DNAAF9: variants seen among roughly 807,000 people sequenced by gnomAD.
The protein encoded by DNAAF9 is dynein axonemal assembly factor 9.
In DNAAF9, 90 loss-of-function variants were observed where a neutral mutation model predicts 167.0. The ratio of observed to expected loss-of-function variants is 0.54; its 90% CI spans 0.45 to 0.64. The LOEUF is 0.64. Among genes scored for constraint, DNAAF9 ranks in the 30% least tolerant of loss-of-function variants. The pLI is 0.00. For synonymous variants in DNAAF9, 491 were observed against 508.8 expected (o/e 0.96, Z 0.47); for missense variants, 1,315 against 1,442.2 (o/e 0.91, Z 1.43).
At chr20:3,274,755 G>C (rs2068650236) in intron 29 of DNAAF9, among the ~76,000 whole-genome samples, 1 of 152,200 alleles carries the variant, frequency 6.6e-6, no homozygotes. Flanking sequence ...TTGAGCATCA[G>C]CCTGAGAATT....
chr20:3,349,257 C>T (rs1320890609), intron 7 of DNAAF9, among the ~76,000 whole-genome samples: 1 of 149,436 alleles, frequency 6.7e-6, no homozygotes, highest in Non-Finnish European at 1.5e-5. Flanking sequence ...TGGTGCGCAC[C>T]TGTTGTCCCA....
rs376196616 is a variant in DNAAF9 at position 3,310,333 on chromosome 20, AAAAGAAAGAAAGAAAGAAAG to A, written c.1678+4680_1678+4699del. 1.8e-4 allele frequency among the ~76,000 whole-genome samples: 19 copies of A among 106,182 alleles called. No homozygotes were observed. In the South Asian group the frequency reaches 1.8e-3, roughly 10 times the overall value. The allele number at this position is 106,182 out of a possible 152,430, so 69.7% of individuals were successfully genotyped here. A position where few individuals can be genotyped will look rare whatever the true frequency, so the allele number is the denominator to read the frequency against. ...GAAAGAAAGAAAGGAAAGAGAAAGA[AAAAGAAAGAAAGAAAGAAAG>A]AAAGAAAGAAAGAAAGAAAGAAAGA... On this transcript the variant is annotated intron_variant, in intron 20 of 36. Transcript: ENST00000252032.
intron 28 of DNAAF9, among the ~76,000 whole-genome samples, 175 bp from the exon 29 acceptor site, chr20:3,279,124 G>C (rs1247932326): frequency 1.3e-5 from 2 of 152,100 alleles, no homozygotes; most frequent in Non-Finnish European, 2.9e-5. Context: ...TTCCGTCAAA[G>C]CTCCCCACAC....
At chr20:3,345,651 G>A (rs570329799) in intron 8 of DNAAF9, among the ~76,000 whole-genome samples, 62 of 152,254 alleles carry the variant, frequency 4.1e-4, no homozygotes, top group African/African-American at 1.4e-3. Flanking sequence ...TTCAATTACA[G>A]CCTTTCCCTA....
chr20:3,264,524 C>G lies in DNAAF9; in HGVS notation c.2787G>C (p.Arg929Ser). 1 of 1,449,624 alleles carries G rather than the reference C, an allele frequency of 6.9e-7. No individual in the cohort carries two copies. Among genetic ancestry groups the G allele is most frequent in the African/African-American group, 1.4e-5 (1 of 71,702 alleles). 89.8% of individuals were successfully genotyped at this position (1,449,624 alleles called of 1,614,324 possible). Reference sequence around the variant, plus strand: ...AGAGAATCAGCTCAATGTCTTCATTCCTTTGAAAACACACAGAAAAGACCT... The same window carrying G: ...AGAGAATCAGCTCAATGTCTTCATTGCTTTGAAAACACACAGAAAAGACCT... Reference protein sequence around the residue: ...FILAENGIVTRNEDIELILSE... With the variant: ...FILAENGIVTSNEDIELILSE... The change falls in exon 31 of 37, where the codon AGG (arginine) becomes AGC (serine). Residue 929 changes from arginine (R) to serine (S), a missense_variant and splice_region_variant. This residue lies in a region of DNAAF9 where 334 missense variants were observed against 429.7 expected (regional missense o/e 0.78). Transcript: ENST00000252032.
At chr20:3,394,542 T>C (rs933323240) in intron 1 of DNAAF9, among the ~76,000 whole-genome samples, 7 of 152,184 alleles carry the variant, frequency 4.6e-5, no homozygotes, top group African/African-American at 1.7e-4. Flanking sequence ...AAATAATAAA[T>C]GTCAAATTTC....
intron 7 of DNAAF9, among the ~76,000 whole-genome samples, chr20:3,351,092 A>T (rs2070313683): frequency 6.6e-6 from 1 of 152,190 alleles, no homozygotes; most frequent in Non-Finnish European, 1.5e-5. Context: ...CTTTTCTCCA[A>T]AAATCAACCC....
intron 25 of DNAAF9, among the ~76,000 whole-genome samples, chr20:3,293,666 C>T (rs1176062739): frequency 1.2e-5 from 1 of 85,598 alleles, no homozygotes; most frequent in Non-Finnish European, 2.3e-5. Context: ...GCCTGGGTGA[C>T]AAAAAAAAAA....
intron 6 of DNAAF9, among the ~76,000 whole-genome samples, chr20:3,363,845 A>C (rs990085011): frequency 6.6e-6 from 1 of 151,986 alleles, no homozygotes; most frequent in Non-Finnish European, 1.5e-5. Flanking sequence ...AGCATTATTC[A>C]ATCTGCCATT....
chr20:3,402,740 G>A (rs978986248), intron 1 of DNAAF9, among the ~76,000 whole-genome samples: 1 of 152,034 alleles, frequency 6.6e-6, no homozygotes, highest in Non-Finnish European at 1.5e-5. Context: ...ACCACGCCTG[G>A]CTAATTTTTC....
rs113181466 is a variant in DNAAF9 at position 3,296,384 on chromosome 20, G to GTT, written c.2018+475_2018+476dup. 642 of 270,502 alleles carry GTT rather than the reference G, an allele frequency of 2.4e-3. 3 individuals carry two copies. The highest frequency in any genetic ancestry group is 8.5e-3 in the African/African-American group (369 of 43,596). The allele number at this position is 270,502 out of a possible 1,614,324, so 16.8% of individuals were successfully genotyped here. ...GCTCCTGGCAGTGGGGACATTTTTC[G>GTT]TTTTTTTTTTTGAGAAAGGGTCTTG... On this transcript the variant is annotated intron_variant, in intron 23 of 36. Coordinates refer to ENST00000252032, the MANE Select transcript of DNAAF9 (RefSeq NM_001009984.3).
At chr20:3,265,650 T>C (rs1275557984) in intron 30 of DNAAF9, among the ~76,000 whole-genome samples, 1 of 151,450 alleles carries the variant, frequency 6.6e-6, no homozygotes, top group Non-Finnish European at 1.5e-5. Context: ...GTGGTTGTTA[T>C]TACTTTGATA....
chr20:3,390,072 AGACATCTGAGAAAACTT>A (rs1317062682), intron 1 of DNAAF9, among the ~76,000 whole-genome samples: 1 of 151,922 alleles, frequency 6.6e-6, no homozygotes, highest in Non-Finnish European at 1.5e-5. Flanking sequence ...AACATCTGTG[AGACATCTGAGAAAACTT>A]GAATATGGAC....
Position 3,407,481 on chromosome 20 carries a change from G to A in DNAAF9, c.77C>T (p.Ser26Phe), listed in dbSNP as rs2084079989. The change falls in exon 1 of 37, where the codon TCC becomes TTC. Residue 26 changes from serine to phenylalanine, a missense_variant. Physicochemically the swap from Ser to Phe is radical, Grantham distance 155. This residue lies in a region of DNAAF9 where 981 missense variants were observed against 1,012.5 expected (regional missense o/e 0.97). Coordinates refer to ENST00000252032, the MANE Select transcript of DNAAF9 (RefSeq NM_001009984.3). Reference sequence around the variant, plus strand: ...CTGCCTCTGCCCCGCGTACCTGACGGAGGGTGACCCGCGGCTGGAGCCGCC... The same window carrying A: ...CTGCCTCTGCCCCGCGTACCTGACGAAGGGTGACCCGCGGCTGGAGCCGCC... Reference protein sequence around the residue: ...SPGGSSRGSPSVSCSRLRQVQ... With the variant: ...SPGGSSRGSPFVSCSRLRQVQ... The A allele has an allele frequency of 2.3e-6, 3 of 1,308,776 alleles. No individual in the cohort carries two copies. The highest frequency in any genetic ancestry group is 1.5e-5 in the African/African-American group (1 of 65,154). The allele number at this position is 1,308,776 out of a possible 1,614,324, so 81.1% of individuals were successfully genotyped here.
chr20:3,257,062 T>C (rs1268585080), intron 33 of DNAAF9, among the ~76,000 whole-genome samples: 1 of 151,444 alleles, frequency 6.6e-6, no homozygotes, highest in Non-Finnish European at 1.5e-5. Flanking sequence ...GTCACACAGA[T>C]GAGAATGGGA....
intron 16 of DNAAF9, among the ~76,000 whole-genome samples, chr20:3,321,520 T>C (rs191693932): frequency 4.5e-4 from 68 of 152,348 alleles, no homozygotes; most frequent in African/African-American, 1.6e-3. Flanking sequence ...TTGACCAAGA[T>C]GTCCTTTTGT....
intron 31 of DNAAF9, among the ~76,000 whole-genome samples, chr20:3,260,597 G>C (rs966009590): frequency 1.4e-5 from 2 of 141,234 alleles, no homozygotes; most frequent in African/African-American, 2.8e-5. Context: ...TTCCTGGTAC[G>C]GTGGGGGGCT....
intron 1 of DNAAF9, among the ~76,000 whole-genome samples, chr20:3,395,275 ATTTTCTT>A (rs2083890417): frequency 7.4e-6 from 1 of 135,794 alleles, no homozygotes; most frequent in African/African-American, 2.8e-5. Flanking sequence ...CTGGCCGAAC[ATTTTCTT>A]TTTTCTTTTT....
chr20:3,338,337 A>C (rs1255021789), intron 10 of DNAAF9, among the ~76,000 whole-genome samples: 1 of 152,084 alleles, frequency 6.6e-6, no homozygotes, highest in African/African-American at 2.4e-5. Flanking sequence ...AGTCCCCTGG[A>C]ATTTTCATCC....
Sources: allele counts gnomAD v4.1 joint callset (sites outside exome capture counted in the v4.1 genomes callset), GRCh38; gene constraint gnomAD v4.1.1; regional missense constraint gnomAD v4.1.1; transcripts MANE v1.5; gene names NCBI Gene and HGNC (gene_info 2026-07-23, HGNC 2026-07-21).